CPXM2: variants seen among roughly 807,000 people sequenced by gnomAD.
CPXM2 encodes carboxypeptidase X, M14 family member 2, also known as inactive carboxypeptidase-like protein X2.
CPXM2 carries 66 observed loss-of-function variants against 86.1 expected under a neutral mutation model. The ratio of observed to expected loss-of-function variants is 0.77; its 90% CI spans 0.63 to 0.94. The LOEUF (loss-of-function observed/expected upper bound fraction) is 0.94, where lower values mean the gene tolerates loss of function less well. CPXM2 is among the 40% of genes least tolerant of loss of function. The pLI, the probability that CPXM2 is intolerant of heterozygous loss-of-function variation, is 0.00. For synonymous variants in CPXM2, 388 were observed against 400.2 expected, an observed-to-expected ratio of 0.97 and a Z score of 0.36; for missense variants, 948 against 1,026.3, an observed-to-expected ratio of 0.92 and a Z score of 1.04.
intron 4 of CPXM2, among the ~76,000 whole-genome samples, chr10:123,821,408 C>T (rs1376463181): frequency 1.3e-5 from 2 of 152,222 alleles, no homozygotes; most frequent in African/African-American, 4.8e-5. Flanking sequence ...CTATGTTTTA[C>T]CCTAGTAAGC....
chr10:123,881,244 T>TCCCC (rs1564811107), intron 1 of CPXM2, among the ~76,000 whole-genome samples: 12 of 86,038 alleles, frequency 1.4e-4, no homozygotes, highest in Admixed American at 2.0e-4. Context: ...TTCCCTTCCC[T>TCCCC]TCCCTTCCCT....
At position 123,774,255 on chromosome 10, in the gene CPXM2, A is replaced by C. The variant is rs568608032; in HGVS notation, c.979-3216T>G. On this transcript the variant is annotated intron_variant, in intron 7 of 13. Coordinates refer to ENST00000241305, the MANE Select transcript of CPXM2 (RefSeq NM_198148.3). Reference sequence around the variant, plus strand: ...GTGGCCTTCTGAAAGCTGAGCTGGAACTGAATTGATGCAGAACAGAGGAAG... The same window carrying C: ...GTGGCCTTCTGAAAGCTGAGCTGGACCTGAATTGATGCAGAACAGAGGAAG... Among the ~76,000 whole-genome samples the C allele has an allele frequency of 2.0e-5, 3 of 152,290 alleles. No individual in the cohort carries two copies. In the South Asian group the frequency reaches 6.2e-4, roughly 32 times the overall value.
chr10:123,939,662 CTGGGGATGGCA>C (rs1215594276), intron 1 of CPXM2: 2 of 152,278 alleles, frequency 1.3e-5, no homozygotes, highest in African/African-American at 4.8e-5. Flanking sequence ...AGCACCAGCC[CTGGGGATGGCA>C]TGGGGAGGCC....
chr10:123,850,827 C>T (rs534046750), intron 3 of CPXM2, among the ~76,000 whole-genome samples: 16 of 152,258 alleles, frequency 1.1e-4, no homozygotes, highest in African/African-American at 3.1e-4. Flanking sequence ...AAGAAATCCA[C>T]GCTTAGCATC....
At chr10:123,858,682 G>C (rs1848793312) in intron 3 of CPXM2, among the ~76,000 whole-genome samples, 1 of 152,130 alleles carries the variant, frequency 6.6e-6, no homozygotes, top group Admixed American at 6.5e-5. Context: ...CGTGCATAAG[G>C]CACTTAGCAC....
chr10:123,873,445 T>C (rs1297847608), intron 2 of CPXM2, among the ~76,000 whole-genome samples: 2 of 152,194 alleles, frequency 1.3e-5, no homozygotes, highest in African/African-American at 4.8e-5. Flanking sequence ...CCCAAATTGA[T>C]TCGTAAAATC....
At chr10:123,753,144 A>G (rs981198493) in intron 13 of CPXM2, among the ~76,000 whole-genome samples, 4 of 152,078 alleles carry the variant, frequency 2.6e-5, no homozygotes, top group African/African-American at 9.7e-5. Context: ...CCCGGGGAAG[A>G]AGGTTCAGGT....
chr10:123,774,425 A>G (rs924374756), intron 7 of CPXM2, among the ~76,000 whole-genome samples: 1 of 152,260 alleles, frequency 6.6e-6, no homozygotes, highest in African/African-American at 2.4e-5. Flanking sequence ...GTTGAAATCT[A>G]TTAGAACTGG....
intron 9 of CPXM2, 24 bp from the exon 10 acceptor site, chr10:123,767,176 G>C: frequency 6.2e-7 from 1 of 1,608,620 alleles, no homozygotes; most frequent in South Asian, 1.1e-5. Context: ...AGAGTGTGAA[G>C]AATGCACAGG....
Position 123,822,482 on chromosome 10 carries a change from G to C in CPXM2, c.653+19867C>G, listed in dbSNP as rs537966190. ...TAACTATAAAATTAATGAATGAACTGCAATTGTGATATTGTTCAAAGGAGA... is the reference window on the plus strand; with the variant it reads ...TAACTATAAAATTAATGAATGAACTCCAATTGTGATATTGTTCAAAGGAGA... On this transcript the variant is annotated intron_variant, in intron 4 of 13. Coordinates refer to ENST00000241305, the MANE Select transcript of CPXM2 (RefSeq NM_198148.3). Among the ~76,000 whole-genome samples, 148 of 152,128 alleles carry C rather than the reference G, an allele frequency of 9.7e-4. 1 individual carries two copies. Among genetic ancestry groups the C allele is most frequent in the South Asian group, 2.1e-3 (10 of 4,816 alleles).
rs1589960759 is a variant in CPXM2, at chr10:123,754,030, G to A, written c.2017+633C>T. 6.6e-6 allele frequency among the ~76,000 whole-genome samples: 1 copy of A among 152,216 alleles called. No individual in the cohort carries two copies. The highest frequency in any genetic ancestry group is 2.4e-5 in the African/African-American group (1 of 41,444). ...AGAGCTAATACAAGAAAGCTATTAA[G>A]AGAGTGGCATATAGGAGATGCCCAC... is the stretch of plus-strand genomic sequence containing the variant. On this transcript the variant is annotated intron_variant, in intron 13 of 13. Coordinates refer to ENST00000241305, the MANE Select transcript of CPXM2 (RefSeq NM_198148.3). The surrounding 1 kb of genome is among the most constrained non-coding windows in gnomAD (Gnocchi z 4.0).
chr10:123,927,773 G>A (rs955933888), intron 2 of CPXM2, among the ~76,000 whole-genome samples: 11 of 152,250 alleles, frequency 7.2e-5, no homozygotes. Context: ...CCCCAGATGA[G>A]TACAAATGGG....
chr10:123,942,737 C>G (rs141332878), upstream of CPXM2, among the ~76,000 whole-genome samples: 278 of 152,280 alleles, frequency 1.8e-3, no homozygotes, highest in African/African-American at 6.4e-3. Context: ...TATGGAGTAG[C>G]CATCTTTTTG....
At chr10:123,838,796 G>A (rs1200598364) in intron 4 of CPXM2, among the ~76,000 whole-genome samples, 1 of 152,102 alleles carries the variant, frequency 6.6e-6, no homozygotes, top group Non-Finnish European at 1.5e-5. Flanking sequence ...CCTGGGAAGC[G>A]GCAACAGGCA....
At chr10:123,763,164 T>C (rs1024876916) in intron 10 of CPXM2, among the ~76,000 whole-genome samples, 7 of 152,212 alleles carry the variant, frequency 4.6e-5, no homozygotes, top group Non-Finnish European at 1.0e-4. Context: ...CTCAGCCTCC[T>C]GACTAGCTGG....
intron 4 of CPXM2, among the ~76,000 whole-genome samples, chr10:123,802,999 C>T (rs1847492621): frequency 6.6e-6 from 1 of 151,036 alleles, no homozygotes; most frequent in African/African-American, 2.4e-5. Flanking sequence ...ATTAAGTTGT[C>T]TGTCTTTCTC....
intron 1 of CPXM2, among the ~76,000 whole-genome samples, chr10:123,883,003 T>G (rs1945117605): frequency 6.6e-6 from 1 of 150,480 alleles, no homozygotes; most frequent in Non-Finnish European, 1.5e-5. Flanking sequence ...CAGCCTGGAC[T>G]GCCCGCAATA....
intron 4 of CPXM2, among the ~76,000 whole-genome samples, chr10:123,822,724 A>AAATAATAAT (rs10603506): frequency 0.012 from 1,844 of 149,992 alleles, 29 homozygotes; most frequent in African/African-American, 0.041. Flanking sequence ...ATGGACCTGA[A>AAATAATAAT]AATAATAATA....
intron 4 of CPXM2, among the ~76,000 whole-genome samples, chr10:123,828,234 C>T (rs964453181): frequency 1.1e-4 from 16 of 151,990 alleles, no homozygotes; most frequent in Non-Finnish European, 2.4e-4. Flanking sequence ...TATGTCCAAC[C>T]GATTGTTTAC....
Sources: gnomAD v4.1 joint callset for allele counts (sites outside exome capture counted in the v4.1 genomes callset) on GRCh38, gnomAD v4.1.1 for gene constraint, Gnocchi (gnomAD v3.1) non-coding constraint, MANE v1.5 for transcripts, NCBI Gene and HGNC (gene_info 2026-07-23, HGNC 2026-07-21) for gene names.